Variants in CLVS1 observed in about 807,000 individuals in gnomAD.
CLVS1 encodes the protein clavesin-1.
In CLVS1, 10 loss-of-function variants were observed where a neutral mutation model predicts 33.1. That is an observed-to-expected ratio of 0.30 (90% CI 0.19 to 0.51). The LOEUF (loss-of-function observed/expected upper bound fraction) is 0.51, where lower values mean the gene tolerates loss of function less well. Among genes scored for constraint, CLVS1 ranks in the 20% least tolerant of loss-of-function variants. CLVS1 has a pLI of 0.97. For synonymous variants in CLVS1, 163 were observed against 166.1 expected, an observed-to-expected ratio of 0.98 and a Z score of 0.14; for missense variants, 343 against 433.4, an observed-to-expected ratio of 0.79 and a Z score of 1.85.
the CLVS1 span, among the ~76,000 whole-genome samples, chr8:61,014,213 T>C: frequency 0.1 from 15,326 of 151,954 alleles, 866 homozygotes; most frequent in South Asian, 0.18. Flanking sequence ...TCAGTGTTGA[T>C]GGAATTGTTT....
intron 1 of CLVS1, among the ~76,000 whole-genome samples, chr8:61,091,994 T>C (rs1234279216): frequency 6.6e-6 from 1 of 152,228 alleles, no homozygotes; most frequent in Non-Finnish European, 1.5e-5. Context: ...TTTTTTGGTC[T>C]TCATCCTCAT....
At chr8:61,070,061 G>A (rs1270508271) in intron 1 of CLVS1, among the ~76,000 whole-genome samples, 1 of 152,148 alleles carries the variant, frequency 6.6e-6, no homozygotes, top group Admixed American at 6.5e-5. Flanking sequence ...CAAAAGTGCT[G>A]GGATTCCAGG....
chr8:61,209,257 T>TG (rs1807923284), intron 2 of CLVS1, among the ~76,000 whole-genome samples: 1 of 152,208 alleles, frequency 6.6e-6, no homozygotes, highest in African/African-American at 2.4e-5. Flanking sequence ...CACCCAGCTG[T>TG]GGGGCTAAGC....
chr8:61,395,791 A>G (rs1350863716), intron 3 of CLVS1, among the ~76,000 whole-genome samples: 2 of 151,734 alleles, frequency 1.3e-5, no homozygotes, highest in African/African-American at 4.9e-5. Context: ...CAAATTCTCA[A>G]TGAAGAATCA....
At chr8:61,097,998 A>AT (rs1805382919) in intron 1 of CLVS1, among the ~76,000 whole-genome samples, 2 of 152,064 alleles carry the variant, frequency 1.3e-5, no homozygotes, top group African/African-American at 4.8e-5. Context: ...CTACAAAAAA[A>AT]TTTAAAAAAA....
intron 2 of CLVS1, among the ~76,000 whole-genome samples, chr8:61,277,948 AAGTT>A (rs1469160926): frequency 6.6e-6 from 1 of 152,152 alleles, no homozygotes; most frequent in African/African-American, 2.4e-5. Context: ...TAGCAGGTAA[AAGTT>A]AGTTAGTAAA....
intron 2 of CLVS1, among the ~76,000 whole-genome samples, chr8:61,331,261 CTG>C (rs1004580532): frequency 1.3e-5 from 2 of 152,084 alleles, no homozygotes; most frequent in African/African-American, 4.8e-5. Flanking sequence ...GAATGTGAAT[CTG>C]TTTTTTTCTG....
At chr8:61,051,969 C>T in the CLVS1 span, among the ~76,000 whole-genome samples, 115 of 152,370 alleles carry the variant, frequency 7.5e-4, no homozygotes, top group African/African-American at 2.6e-3. Flanking sequence ...CTCACCTTTG[C>T]TGGCTGGACT....
intron 1 of CLVS1, among the ~76,000 whole-genome samples, chr8:61,094,593 T>C (rs1449159905): frequency 6.6e-6 from 1 of 152,202 alleles, no homozygotes; most frequent in African/African-American, 2.4e-5. Flanking sequence ...CCTTAGAGTG[T>C]GACTGTATTT....
chr8:61,406,775 T>C (rs909258171), intron 3 of CLVS1, among the ~76,000 whole-genome samples: 1 of 152,058 alleles, frequency 6.6e-6, no homozygotes, highest in East Asian at 1.9e-4. Context: ...TCCCGGCTAA[T>C]TTTTTGTATT....
At chr8:61,393,566 G>A (rs1217153619) in intron 3 of CLVS1, among the ~76,000 whole-genome samples, 1 of 152,174 alleles carries the variant, frequency 6.6e-6, no homozygotes, top group African/African-American at 2.4e-5. Flanking sequence ...CTCAAGGGCT[G>A]CTGTCCATAT....
chr8:61,339,269 C>T (rs970296989), intron 2 of CLVS1, among the ~76,000 whole-genome samples: 14 of 152,150 alleles, frequency 9.2e-5, no homozygotes, highest in Admixed American at 8.5e-4. Flanking sequence ...CCCGTCCCAT[C>T]CCCCATTCCC....
At chr8:61,280,891 G>T (rs963918295) in intron 2 of CLVS1, among the ~76,000 whole-genome samples, 7 of 152,136 alleles carry the variant, frequency 4.6e-5, no homozygotes, top group Non-Finnish European at 8.8e-5. Context: ...GCCTCCCAAA[G>T]TGCTCAGACT....
chr8:61,174,733 T>C (rs1022885156), intron 2 of CLVS1, among the ~76,000 whole-genome samples: 2 of 152,118 alleles, frequency 1.3e-5, no homozygotes, highest in Non-Finnish European at 2.9e-5. Context: ...AAGTGGAAAA[T>C]TGTACCTGGC....
intron 3 of CLVS1, among the ~76,000 whole-genome samples, chr8:61,380,484 G>A (rs1813828292): frequency 6.6e-6 from 1 of 152,130 alleles, no homozygotes; most frequent in Non-Finnish European, 1.5e-5. Context: ...TTGAAGAATT[G>A]TCATTGTTTA....
At chr8:61,066,027 CT>C (rs1258159116) in intron 1 of CLVS1, among the ~76,000 whole-genome samples, 1 of 152,024 alleles carries the variant, frequency 6.6e-6, no homozygotes, top group Non-Finnish European at 1.5e-5. Context: ...TAAAAACAGT[CT>C]TTTTTATGTG....
chr8:61,483,737 G>A (rs894610644), intron 5 of CLVS1, among the ~76,000 whole-genome samples: 4 of 152,140 alleles, frequency 2.6e-5, no homozygotes, highest in Non-Finnish European at 5.9e-5. Flanking sequence ...GCACATCAAA[G>A]AGCTTATCCA....
chr8:61,486,098 A>AAAATAAATAAATAAAT (rs57652285), intron 5 of CLVS1, among the ~76,000 whole-genome samples: 7,859 of 150,186 alleles, frequency 0.052, 206 homozygotes, highest in Non-Finnish European at 0.062. Flanking sequence ...AAGTATAATT[A>AAAATAAATAAATAAAT]AAATAAATAA....
Position 61,300,223 on chromosome 8 carries a change from C to A in CLVS1, c.396C>A (p.Asn132Lys), listed in dbSNP as rs1810377991. The stretch of plus-strand genomic sequence containing the variant: ...ATGGGTTCCCCGGGGTGCTGGAAAA[C>A]CGAGACCATTACGGCAGGAAGATTC... The part of the protein sequence containing the change: ...LIDGFPGVLE[N>K]RDHYGRKILL... The change falls in exon 2 of 6, where the codon AAC becomes AAA. Residue 132 changes from asparagine (N) to lysine (K), a missense_variant. Coordinates refer to ENST00000325897, the MANE Select transcript of CLVS1 (RefSeq NM_173519.3). 6.2e-7 allele frequency: 1 copy of A among 1,613,842 alleles called. No homozygotes were observed.
Sources: allele counts gnomAD v4.1 joint callset (sites outside exome capture counted in the v4.1 genomes callset), GRCh38; gene constraint gnomAD v4.1.1; transcripts MANE v1.5; gene names NCBI Gene and HGNC (gene_info 2026-07-23, HGNC 2026-07-21).